The following MAST2 variants were observed in gnomAD, a reference collection of about 807,000 sequenced individuals.
MAST2 encodes the protein microtubule associated serine/threonine kinase 2.
In MAST2, 70 loss-of-function variants were observed where a neutral mutation model predicts 147.4. That is an observed-to-expected ratio of 0.47 (90% confidence interval 0.39 to 0.58). The LOEUF (loss-of-function observed/expected upper bound fraction) is 0.58. Ranked by LOEUF, MAST2 falls within the 20% of genes least tolerant of loss-of-function variation. The pLI is 0.00. For missense variants in MAST2, 2,080 were observed against 2,302.3 expected, an observed-to-expected ratio of 0.90 and a Z score of 1.98; for synonymous variants, 869 against 896.8, an observed-to-expected ratio of 0.97 and a Z score of 0.55.
At chr1:45,992,879 A>C (rs1281641791) in intron 5 of MAST2, among the ~76,000 whole-genome samples, 1 of 151,850 alleles carries the variant, frequency 6.6e-6, no homozygotes, top group African/African-American at 2.4e-5. Flanking sequence ...ATTTGGGGTT[A>C]AGTGTGTATT....
intron 1 of MAST2, among the ~76,000 whole-genome samples, chr1:45,819,333 C>A (rs1280160900): frequency 6.6e-6 from 1 of 151,280 alleles, no homozygotes; most frequent in African/African-American, 2.4e-5. Flanking sequence ...ACGTTTGTAC[C>A]AACCTAGTAG....
intron 5 of MAST2, among the ~76,000 whole-genome samples, chr1:45,997,414 A>G (rs933426432): frequency 6.6e-6 from 1 of 152,158 alleles, no homozygotes; most frequent in African/African-American, 2.4e-5. Context: ...AGCCTTCTGA[A>G]TGTTGGTTCA....
chr1:45,857,992 T>A (rs1307773810), intron 3 of MAST2, among the ~76,000 whole-genome samples: 1 of 152,088 alleles, frequency 6.6e-6, no homozygotes, highest in African/African-American at 2.4e-5. Flanking sequence ...TGTGCCACGT[T>A]TTCTTAATTC....
At chr1:45,988,753 C>T (rs1197312134) in intron 5 of MAST2, among the ~76,000 whole-genome samples, 2 of 152,048 alleles carry the variant, frequency 1.3e-5, no homozygotes, top group African/African-American at 2.4e-5. Flanking sequence ...TAAGTTGTTC[C>T]GTTTTGGCCA....
chr1:45,893,265 G>T (rs1450294133), intron 4 of MAST2, among the ~76,000 whole-genome samples: 2 of 152,046 alleles, frequency 1.3e-5, no homozygotes, highest in East Asian at 3.8e-4. Flanking sequence ...CAGTGGCTCT[G>T]TCATAGCTCA....
intron 10 of MAST2, 105 bp from the exon 11 acceptor site, chr1:46,019,491 A>G (rs537740453): frequency 1.0e-4 from 88 of 846,562 alleles, no homozygotes; most frequent in Non-Finnish European, 1.5e-4. Context: ...GGAGCTCTCT[A>G]TGCTACCGAA....
intron 4 of MAST2, among the ~76,000 whole-genome samples, chr1:45,904,206 C>T (rs1170999427): frequency 6.7e-6 from 1 of 149,592 alleles, no homozygotes; most frequent in East Asian, 2.0e-4. Context: ...AAGGCTTACT[C>T]TTGTCCCCCA....
At chr1:46,003,648 G>A (rs1194822141) in intron 7 of MAST2, among the ~76,000 whole-genome samples, 2 of 152,020 alleles carry the variant, frequency 1.3e-5, no homozygotes, top group Non-Finnish European at 2.9e-5. Context: ...CTAATTTTTT[G>A]TAGAGAGGGG....
chr1:46,006,484 G>C (rs890889558), intron 8 of MAST2, 89 bp downstream of exon 8: 10 of 1,254,792 alleles, frequency 8.0e-6, no homozygotes, highest in Non-Finnish European at 1.1e-5. Context: ...GCTATAAGGG[G>C]CCAAGATAGT....
At position 45,994,281 on chromosome 1, in the gene MAST2, T is replaced by TTTTTTTTTTTTC. The variant is rs1644964669; in HGVS notation, c.593-3432_593-3431insCTTTTTTTTTTT. On this transcript the variant is annotated intron_variant, in intron 5 of 28. Transcript: ENST00000361297. ...GCTCAAAGCCCTAACCCTCTTTTTT[T>TTTTTTTTTTTTC]TTTTTTTTTTTTTTTTTTGAGAAGG... is the stretch of plus-strand genomic sequence containing the variant. 1.5e-5 allele frequency among the ~76,000 whole-genome samples: 2 copies of TTTTTTTTTTTTC among 132,040 alleles called. 1 individual carries two copies. The highest frequency in any genetic ancestry group is 3.2e-5 in the Non-Finnish European group (2 of 62,160). The allele number at this position is 132,040 out of a possible 152,430, so 86.6% of individuals were successfully genotyped here. A position where few individuals can be genotyped will look rare whatever the true frequency, so the allele number is the denominator to read the frequency against.
intron 4 of MAST2, among the ~76,000 whole-genome samples, chr1:45,882,968 G>T (rs1646914710): frequency 6.6e-6 from 1 of 152,272 alleles, no homozygotes; most frequent in South Asian, 2.1e-4. Context: ...TAGGAATTCT[G>T]TTGGGGCAGT....
chr1:45,956,282 A>G (rs1000677046), intron 4 of MAST2, among the ~76,000 whole-genome samples: 1 of 152,174 alleles, frequency 6.6e-6, no homozygotes, highest in African/African-American at 2.4e-5. Context: ...CAACACTTCA[A>G]ACCTGCCAAT....
At chr1:45,824,132 T>C (rs1056505214) in intron 1 of MAST2, among the ~76,000 whole-genome samples, 1 of 152,162 alleles carries the variant, frequency 6.6e-6, no homozygotes, top group Admixed American at 6.6e-5. Flanking sequence ...AGGATAAACA[T>C]AAATAAACTT....
chr1:46,029,534 C>T lies in MAST2; in HGVS notation c.2287C>T (p.Leu763Phe), dbSNP rs1468440352. Residue 763 changes from leucine (L) to phenylalanine (F), a missense_variant, in exon 19 of 29, where the codon CTC becomes TTC. This residue lies in a region of MAST2 where 209 missense variants were observed against 309.5 expected (regional missense o/e 0.68). Transcript: ENST00000361297. ...CGCCCAGGACCTCACCTCCAAACTG[C>T]TCCACCAGAACCCTCTGGAGAGACT... is the stretch of plus-strand genomic sequence containing the variant. ...PDAQDLTSKL[L>F]HQNPLERLGT... The T allele has an allele frequency of 6.2e-7, 1 of 1,614,142 alleles. No homozygotes were observed.
chr1:45,885,550 T>C (rs1217324052), intron 4 of MAST2, among the ~76,000 whole-genome samples: 2 of 152,208 alleles, frequency 1.3e-5, no homozygotes, highest in African/African-American at 2.4e-5. Context: ...GTCTCCAAAT[T>C]GGTAAGTGGA....
intron 12 of MAST2, among the ~76,000 whole-genome samples, chr1:46,022,363 CAAT>C (rs1172846699): frequency 6.6e-6 from 1 of 152,220 alleles, no homozygotes; most frequent in East Asian, 1.9e-4. Flanking sequence ...CAAAGGGCCA[CAAT>C]CACATTTGCA....
At position 46,027,777 on chromosome 1, in the gene MAST2, C is replaced by G. The variant is rs1173543508; in HGVS notation, c.1966C>G (p.Leu656Val). The G allele has an allele frequency of 6.2e-7, 1 of 1,614,024 alleles. No homozygotes were observed. The highest frequency in any genetic ancestry group is 8.5e-7 in the Non-Finnish European group (1 of 1,179,994). Residue 656 changes from leucine (L) to valine (V), a missense_variant, in exon 17 of 29, where the codon CTG (leucine) becomes GTG (valine). By Grantham distance (32) the Leu-to-Val change is conservative. This residue lies in a region of MAST2 where 209 missense variants were observed against 309.5 expected (regional missense o/e 0.68). Coordinates refer to ENST00000361297, the MANE Select transcript of MAST2 (RefSeq NM_015112.3). ...GCACATCAAGCTCACGGACTTTGGA[C>G]TGTCCAAAATTGGCCTCATGAGTCT... ...MGHIKLTDFG[L>V]SKIGLMSLTT...
rs866992584 is a variant in MAST2 at position 46,013,626 on chromosome 1, G to A, written c.1188+2687G>A. ...ACTCAGTAGGTGGAGGTTGCGGTGA[G>A]CCAAGATCATGCCATTGTACTCCAG... is the stretch of plus-strand genomic sequence containing the variant. On this transcript the variant is annotated intron_variant, in intron 10 of 28. Transcript: ENST00000361297. 2.8e-4 allele frequency among the ~76,000 whole-genome samples: 42 copies of A among 151,606 alleles called. 1 individual carries two copies. In the Middle Eastern group the frequency reaches 0.034, roughly 123 times the overall value.
At chr1:45,943,812 T>C (rs1657662334) in intron 4 of MAST2, among the ~76,000 whole-genome samples, 2 of 152,164 alleles carry the variant, frequency 1.3e-5, no homozygotes, top group South Asian at 4.1e-4. Context: ...CACTCATGAA[T>C]TTTTGCTAAA....
Sources: gnomAD v4.1 joint callset for allele counts (sites outside exome capture counted in the v4.1 genomes callset) on GRCh38, gnomAD v4.1.1 for gene constraint, gnomAD v4.1.1 regional missense constraint, MANE v1.5 for transcripts, NCBI Gene and HGNC (gene_info 2026-07-23, HGNC 2026-07-21) for gene names.